Variants in UTRN observed in about 807,000 individuals in gnomAD.
UTRN encodes utrophin, also known as dystrophin-related protein 1.
In UTRN, 283 loss-of-function variants were observed where a neutral mutation model predicts 463.9. That is an observed-to-expected ratio of 0.61 (90% confidence interval 0.55 to 0.67). The LOEUF is 0.67. UTRN is among the 30% of genes least tolerant of loss of function. The pLI is 0.00. For synonymous variants in UTRN, 1,442 were observed against 1,431.5 expected (o/e 1.01, Z -0.17); for missense variants, 3,922 against 4,084.3 (o/e 0.96, Z 1.08).
chr6:144,305,229 T>C (rs937047941), intron 2 of UTRN, among the ~76,000 whole-genome samples: 5 of 152,246 alleles, frequency 3.3e-5, no homozygotes, highest in African/African-American at 1.2e-4. Context: ...AAAAACAATT[T>C]GACTACAAAC....
chr6:144,488,410 A>G (rs1029701299), intron 29 of UTRN, among the ~76,000 whole-genome samples: 3 of 152,162 alleles, frequency 2.0e-5, no homozygotes, highest in Non-Finnish European at 4.4e-5. Flanking sequence ...CTTCTGTTTA[A>G]TGCATCTTAT....
At chr6:144,362,718 G>A (rs967261020) in intron 2 of UTRN, among the ~76,000 whole-genome samples, 1 of 152,148 alleles carries the variant, frequency 6.6e-6, no homozygotes, top group Non-Finnish European at 1.5e-5. Flanking sequence ...TTAGAAATAC[G>A]GTAGAGAAGG....
chr6:144,649,610 G>A (rs892762692), intron 51 of UTRN, among the ~76,000 whole-genome samples: 1 of 152,058 alleles, frequency 6.6e-6, no homozygotes, highest in Non-Finnish European at 1.5e-5. Context: ...GGAATGATAC[G>A]ACAGTATAAA....
At chr6:144,783,330 A>G (rs915570131) in intron 61 of UTRN, among the ~76,000 whole-genome samples, 4 of 152,236 alleles carry the variant, frequency 2.6e-5, no homozygotes, top group Non-Finnish European at 5.9e-5. Flanking sequence ...ATAGATGATC[A>G]TTCATAAATG....
chr6:144,785,878 A>G lies in UTRN; in HGVS notation c.8835-3316A>G, dbSNP rs529141229. Among the ~76,000 whole-genome samples the G allele has an allele frequency of 3.3e-5, 5 of 152,326 alleles. No homozygotes were observed. The East Asian group carries it at 9.6e-4, about 29-fold the overall frequency. ...CAGATTAAAAGGTCTTAATTTCACA[A>G]TCTTCCTTCTGGATTTAATGGAAAT... On this transcript the variant is annotated intron_variant, in intron 61 of 74. Coordinates refer to ENST00000367545, the MANE Select transcript of UTRN (RefSeq NM_007124.3).
intron 2 of UTRN, among the ~76,000 whole-genome samples, chr6:144,339,655 A>G (rs1332325955): frequency 6.6e-6 from 1 of 152,198 alleles, no homozygotes; most frequent in Non-Finnish European, 1.5e-5. Context: ...AGGGAACAGT[A>G]TCATTCATGA....
chr6:144,690,092 TTTTTGTG>T (rs1207796953), intron 52 of UTRN, among the ~76,000 whole-genome samples: 4 of 59,320 alleles, frequency 6.7e-5, no homozygotes, highest in Non-Finnish European at 1.3e-4. Flanking sequence ...TTTTTTTTTT[TTTTTGTG>T]TGTGTGTGTG....
chr6:144,406,155 G>GT (rs1450668570), intron 3 of UTRN, among the ~76,000 whole-genome samples: 1 of 152,160 alleles, frequency 6.6e-6, no homozygotes. Context: ...TGAACTGGTT[G>GT]TAACAGCTTA....
intron 2 of UTRN, among the ~76,000 whole-genome samples, chr6:144,336,993 G>A (rs900533883): frequency 2.6e-5 from 4 of 152,076 alleles, no homozygotes; most frequent in Admixed American, 6.6e-5. Flanking sequence ...CTTCCATGTA[G>A]TGTTTTTCTG....
intron 51 of UTRN, among the ~76,000 whole-genome samples, chr6:144,600,515 CA>C (rs1254411381): frequency 1.3e-5 from 2 of 152,180 alleles, no homozygotes; most frequent in Non-Finnish European, 2.9e-5. Context: ...TTCCTTAAGC[CA>C]AAGCCTAATC....
At chr6:144,814,067 G>A (rs1240658856) in intron 65 of UTRN, among the ~76,000 whole-genome samples, 2 of 152,300 alleles carry the variant, frequency 1.3e-5, no homozygotes, top group East Asian at 3.9e-4. Flanking sequence ...TCAAACTCAA[G>A]TACTGCTATG....
chr6:144,676,054 C>CT (rs566771831), intron 51 of UTRN, among the ~76,000 whole-genome samples: 378 of 150,052 alleles, frequency 2.5e-3, no homozygotes, highest in African/African-American at 7.5e-3. Context: ...AACTATTTTT[C>CT]TTTTTTTTTG....
chr6:144,601,025 A>G (rs1209016891), intron 51 of UTRN, among the ~76,000 whole-genome samples: 1 of 152,208 alleles, frequency 6.6e-6, no homozygotes, highest in Non-Finnish European at 1.5e-5. Context: ...ACCTGTTTGC[A>G]GCATGATTTA....
In UTRN at chr6:144,748,337, T is replaced by C. The variant is rs748604571; in HGVS notation, c.8031T>C (p.Ala2677=). The part of the protein sequence containing the change: ...EVKEKWESLN[A]VTSNWQKQVD... Reference sequence around the variant, plus strand: ...AAGAAAAATGGGAAAGTCTAAATGCTGTAACTAGCAATTGGCAAAAGCAAG... The same window carrying C: ...AAGAAAAATGGGAAAGTCTAAATGCCGTAACTAGCAATTGGCAAAAGCAAG... The change falls in exon 55 of 75, where the codon GCT becomes GCC. Residue 2677 remains alanine (A), a synonymous_variant. Transcript: ENST00000367545. The C allele has an allele frequency of 1.2e-6, 2 of 1,613,714 alleles. No homozygotes were observed. Among genetic ancestry groups the C allele is most frequent in the Admixed American group, 3.3e-5 (2 of 59,992 alleles).
At chr6:144,352,145 C>G (rs1307795605) in intron 2 of UTRN, among the ~76,000 whole-genome samples, 3 of 152,148 alleles carry the variant, frequency 2.0e-5, no homozygotes, top group Non-Finnish European at 4.4e-5. Flanking sequence ...AGCAAATTCA[C>G]TTTCTACTGA....
At chr6:144,662,504 AGT>A (rs1236489107) in intron 51 of UTRN, among the ~76,000 whole-genome samples, 1 of 152,194 alleles carries the variant, frequency 6.6e-6, no homozygotes, top group African/African-American at 2.4e-5. Context: ...CCTCAGTATT[AGT>A]AACCTGTTTC....
At chr6:144,299,902 AT>A (rs1805077943) in intron 2 of UTRN, among the ~76,000 whole-genome samples, 1 of 152,090 alleles carries the variant, frequency 6.6e-6, no homozygotes, top group Non-Finnish European at 1.5e-5. Context: ...TTAATTCTAA[AT>A]AGGTGACATA....
chr6:144,453,968 C>G, intron 19 of UTRN, 99 bp downstream of exon 19: 1 of 917,884 alleles, frequency 1.1e-6, no homozygotes. Context: ...TACTCGAATC[C>G]TCTTTTGGCT....
At chr6:144,823,961 T>C (rs1779812179) in intron 66 of UTRN, among the ~76,000 whole-genome samples, 1 of 152,192 alleles carries the variant, frequency 6.6e-6, no homozygotes, top group African/African-American at 2.4e-5. Context: ...ACAGTTGCAG[T>C]TAACATCCGA....
Sources: allele counts gnomAD v4.1 joint callset (sites outside exome capture counted in the v4.1 genomes callset), GRCh38; gene constraint gnomAD v4.1.1; transcripts MANE v1.5; gene names NCBI Gene and HGNC (gene_info 2026-07-23, HGNC 2026-07-21).